EML6: variants seen among roughly 807,000 people sequenced by gnomAD.
EML6 encodes the protein echinoderm microtubule-associated protein-like 6.
Under a neutral mutation model 240.1 loss-of-function variants are expected in EML6, and 154 were observed. The observed-to-expected ratio is 0.64, with a 90% confidence interval of 0.56 to 0.73. The LOEUF is 0.73. Ranked by LOEUF, EML6 falls within the 30% of genes least tolerant of loss-of-function variation. EML6 has a pLI of 0.00. For missense variants in EML6, 2,964 were observed against 2,474.6 expected (o/e 1.20, Z -4.20); for synonymous variants, 1,148 against 899.0 (o/e 1.28, Z -4.95).
At chr2:54,770,488 G>A (rs1427930865) in intron 2 of EML6, among the ~76,000 whole-genome samples, 1 of 152,148 alleles carries the variant, frequency 6.6e-6, no homozygotes, top group Non-Finnish European at 1.5e-5. Flanking sequence ...TTTGGCTTCT[G>A]TAATAGAGAA....
intron 2 of EML6, among the ~76,000 whole-genome samples, chr2:54,791,602 T>C (rs890750749): frequency 2.0e-5 from 3 of 152,180 alleles, no homozygotes; most frequent in African/African-American, 7.2e-5. Flanking sequence ...TAATAAAATA[T>C]TTACCTTAAA....
chr2:54,888,862 T>C (rs1432104), intron 17 of EML6, among the ~76,000 whole-genome samples: 62,787 of 152,012 alleles, frequency 0.41, 13,413 homozygotes, highest in Middle Eastern at 0.49. Flanking sequence ...GTTTTCAGCT[T>C]ATTTAGGCAA....
chr2:54,780,816 G>A (rs1668824251), intron 2 of EML6, among the ~76,000 whole-genome samples: 1 of 152,204 alleles, frequency 6.6e-6, no homozygotes, highest in Non-Finnish European at 1.5e-5. Flanking sequence ...CACGAATAAT[G>A]ATTTGAATTA....
chr2:54,822,841 T>G (rs1021417049), intron 5 of EML6, among the ~76,000 whole-genome samples: 1 of 152,142 alleles, frequency 6.6e-6, no homozygotes, highest in Non-Finnish European at 1.5e-5. Flanking sequence ...AAGAAAAAAT[T>G]TAAAAATGGA....
At chr2:54,937,326 G>A (rs1368960233) in intron 28 of EML6, among the ~76,000 whole-genome samples, 10 of 150,822 alleles carry the variant, frequency 6.6e-5, no homozygotes, top group South Asian at 2.1e-4. Flanking sequence ...GGGGCAAGCC[G>A]GTTATCCCAG....
intron 2 of EML6, among the ~76,000 whole-genome samples, chr2:54,736,289 T>G (rs895062623): frequency 6.6e-6 from 1 of 152,224 alleles, no homozygotes; most frequent in Non-Finnish European, 1.5e-5. Flanking sequence ...TATTAACCTT[T>G]TCTTCTGATT....
intron 2 of EML6, among the ~76,000 whole-genome samples, chr2:54,754,981 G>T (rs2103727583): frequency 6.6e-6 from 1 of 152,220 alleles, no homozygotes; most frequent in East Asian, 1.9e-4. Context: ...TGTAGCTAGT[G>T]GTTACCACAA....
chr2:54,776,866 T>C (rs1484130011), intron 2 of EML6, among the ~76,000 whole-genome samples: 5 of 152,332 alleles, frequency 3.3e-5, no homozygotes, highest in African/African-American at 4.8e-5. Context: ...ACTGACTTCA[T>C]TGGGATAGTT....
intron 19 of EML6, among the ~76,000 whole-genome samples, chr2:54,893,322 G>A (rs1235083548): frequency 1.3e-5 from 2 of 152,136 alleles, no homozygotes; most frequent in Admixed American, 6.5e-5. Flanking sequence ...CAGTTCTGGA[G>A]GCTGGGAAGT....
At chr2:54,963,571 C>T (rs1676620756) in intron 36 of EML6, among the ~76,000 whole-genome samples, 2 of 152,188 alleles carry the variant, frequency 1.3e-5, no homozygotes, top group Admixed American at 1.3e-4. Context: ...ACTCTTTCCC[C>T]TAAAGAAGAG....
At position 54,865,277 on chromosome 2, in the gene EML6, C is replaced by A. The variant is rs188098547; in HGVS notation, c.1932+1388C>A. On this transcript the variant is annotated intron_variant, in intron 13 of 41. Transcript: ENST00000356458. Reference sequence around the variant, plus strand: ...GACAAAGTGGGAGCATCACTTGAGACCAGGAGCTTGAGACCAGCCTAGTTA... The same window carrying A: ...GACAAAGTGGGAGCATCACTTGAGAACAGGAGCTTGAGACCAGCCTAGTTA... Among the ~76,000 whole-genome samples the A allele has an allele frequency of 2.3e-3, 341 of 149,536 alleles. 3 individuals carry two copies. Among genetic ancestry groups the A allele is most frequent in the Non-Finnish European group, 4.3e-3 (292 of 67,764 alleles).
chr2:54,858,351 G>A (rs144225096), intron 11 of EML6, among the ~76,000 whole-genome samples: 1 of 152,274 alleles, frequency 6.6e-6, no homozygotes, highest in Admixed American at 6.5e-5. Flanking sequence ...GAGAATTTGT[G>A]GACATATTTT....
intron 7 of EML6, among the ~76,000 whole-genome samples, chr2:54,835,897 A>G (rs1038985366): frequency 6.6e-6 from 1 of 152,196 alleles, no homozygotes; most frequent in Non-Finnish European, 1.5e-5. Flanking sequence ...TCCCTTGCAG[A>G]GAACGTCCAA....
intron 2 of EML6, among the ~76,000 whole-genome samples, chr2:54,809,188 C>G (rs997432435): frequency 1.3e-5 from 2 of 152,124 alleles, no homozygotes; most frequent in Non-Finnish European, 2.9e-5. Flanking sequence ...AAATAACTTG[C>G]AAAAGTTGCA....
intron 2 of EML6, among the ~76,000 whole-genome samples, chr2:54,769,232 T>A (rs1668311976): frequency 6.6e-6 from 1 of 152,196 alleles, no homozygotes; most frequent in East Asian, 1.9e-4. Context: ...GTCAGAAGAC[T>A]TCACTATAAT....
At position 54,964,062 on chromosome 2, in the gene EML6, T is replaced by C. The variant is rs1025592426; in HGVS notation, c.5234T>C (p.Ile1745Thr). The change falls in exon 37 of 42, where the codon ATT becomes ACT. Residue 1745 changes from isoleucine (I) to threonine (T), a missense_variant. Transcript: ENST00000356458. Reference protein sequence around the residue: ...AYSPDGEMVAIGMKNGEFVIL... With the variant: ...AYSPDGEMVATGMKNGEFVIL... ...AGCCCTGATGGGGAGATGGTGGCCA[T>C]TGGCATGAAGAATGGAGAGTTTGTC... is the stretch of plus-strand genomic sequence containing the variant. 7 of 1,551,626 alleles carry C rather than the reference T, an allele frequency of 4.5e-6. No homozygotes were observed. The highest frequency in any genetic ancestry group is 6.1e-6 in the Non-Finnish European group (7 of 1,147,016).
At chr2:54,816,299 T>C (rs1405872179) in intron 3 of EML6, among the ~76,000 whole-genome samples, 3 of 152,218 alleles carry the variant, frequency 2.0e-5, no homozygotes, top group Non-Finnish European at 4.4e-5. Flanking sequence ...TTATATTATC[T>C]TGTAGTCACC....
At chr2:54,816,914 G>A (rs370983931) in intron 4 of EML6, 29 bp downstream of exon 4, 1 of 1,453,732 alleles carries the variant, frequency 6.9e-7, no homozygotes, top group Non-Finnish European at 9.5e-7. Context: ...AAGCTATGCA[G>A]ATTTCAGAAC....
chr2:54,736,802 A>G (rs1018209529), intron 2 of EML6, among the ~76,000 whole-genome samples: 3 of 152,108 alleles, frequency 2.0e-5, no homozygotes, highest in African/African-American at 7.2e-5. Flanking sequence ...TACCTGATAC[A>G]TACAGGGGCC....
Sources: allele counts gnomAD v4.1 joint callset (sites outside exome capture counted in the v4.1 genomes callset), GRCh38; gene constraint gnomAD v4.1.1; transcripts MANE v1.5; gene names NCBI Gene and HGNC (gene_info 2026-07-23, HGNC 2026-07-21).